Variants in TNN observed in about 807,000 individuals in gnomAD.
The protein encoded by TNN is tenascin-N.
Under a neutral mutation model 134.4 loss-of-function variants are expected in TNN, and 122 were observed. That is an observed-to-expected ratio of 0.91 (90% CI 0.78 to 1.06). The LOEUF (loss-of-function observed/expected upper bound fraction) is 1.06, where lower values mean the gene tolerates loss of function less well. Ranked by LOEUF, TNN falls within the 50% of genes least tolerant of loss-of-function variation. TNN has a pLI of 0.00. For synonymous variants in TNN, 710 were observed against 670.3 expected, an observed-to-expected ratio of 1.06 and a Z score of -0.91; for missense variants, 1,739 against 1,699.4, an observed-to-expected ratio of 1.02 and a Z score of -0.41.
chr1:175,084,519 A>G (rs1417973083), intron 5 of TNN, among the ~76,000 whole-genome samples: 1 of 152,224 alleles, frequency 6.6e-6, no homozygotes, highest in African/African-American at 2.4e-5. Flanking sequence ...AGTCTGTACA[A>G]TTCCAGGGCT....
intron 15 of TNN, among the ~76,000 whole-genome samples, chr1:175,134,301 C>A (rs1169926771): frequency 2.0e-5 from 3 of 152,122 alleles, no homozygotes; most frequent in Non-Finnish European, 2.9e-5. Context: ...CACACCTGCA[C>A]TTTGGGAGGC....
rs750541686 is a variant in TNN at position 175,094,132 on chromosome 1, G to A, written c.1467G>A (p.Val489=). Residue 489 remains valine (V), a synonymous_variant, in exon 7 of 19, where the codon GTG becomes GTA. Transcript: ENST00000239462. ...SADGDTKEMA[V]HKDESSTVLT... is the part of the protein sequence containing the mutation. ...ATGGGGACACCAAGGAAATGGCAGT[G>A]CACAAGGATGAGAGCAGCACTGTCC... 6.2e-7 allele frequency: 1 copy of A among 1,614,212 alleles called. No homozygotes were observed. Among genetic ancestry groups the A allele is most frequent in the Non-Finnish European group, 8.5e-7 (1 of 1,180,030 alleles).
rs182311364 is a variant in TNN, at chr1:175,108,304, A to G, written c.2120-8635A>G. 2.4e-3 allele frequency among the ~76,000 whole-genome samples: 363 copies of G among 152,228 alleles called. 2 individuals carry two copies. Among genetic ancestry groups the G allele is most frequent in the African/African-American group, 8.0e-3 (333 of 41,530 alleles). Reference sequence around the variant, plus strand: ...GGTGCACTCACAAACCTTGAGCTAGACACAGGGTGCTGATTGGTGTGTTTA... The same window carrying G: ...GGTGCACTCACAAACCTTGAGCTAGGCACAGGGTGCTGATTGGTGTGTTTA... On this transcript the variant is annotated intron_variant, in intron 9 of 18. Coordinates refer to ENST00000239462, the MANE Select transcript of TNN (RefSeq NM_022093.2).
At chr1:175,113,093 G>T (rs1011150329) in intron 9 of TNN, among the ~76,000 whole-genome samples, 3 of 152,100 alleles carry the variant, frequency 2.0e-5, no homozygotes, top group Non-Finnish European at 4.4e-5. Context: ...GTAGGTTTTT[G>T]TAGTACTGAG....
intron 15 of TNN, among the ~76,000 whole-genome samples, chr1:175,134,068 G>A (rs769879914): frequency 6.6e-6 from 1 of 152,182 alleles, no homozygotes; most frequent in Non-Finnish European, 1.5e-5. Context: ...CCTGGGAAGA[G>A]GAAAGTGAAC....
chr1:175,079,781 T>G, intron 3 of TNN, 74 bp downstream of exon 3: 1 of 1,483,860 alleles, frequency 6.7e-7, no homozygotes, highest in Non-Finnish European at 8.9e-7. Flanking sequence ...AATTACACGT[T>G]GTCATCTTTG....
intron 9 of TNN, among the ~76,000 whole-genome samples, chr1:175,113,203 C>T (rs1011239049): frequency 3.3e-5 from 5 of 152,160 alleles, no homozygotes; most frequent in Non-Finnish European, 7.3e-5. Flanking sequence ...TGCTTCCAAA[C>T]GTAGGACTCC....
At chr1:175,123,192 A>T (rs1675420819) in intron 11 of TNN, among the ~76,000 whole-genome samples, 1 of 152,176 alleles carries the variant, frequency 6.6e-6, no homozygotes, top group African/African-American at 2.4e-5. Context: ...TTTATATTAA[A>T]AAGTGGGAGA....
intron 18 of TNN, among the ~76,000 whole-genome samples, chr1:175,144,882 A>G (rs1676026452): frequency 6.6e-6 from 1 of 152,242 alleles, no homozygotes; most frequent in African/African-American, 2.4e-5. Flanking sequence ...TAGCTGCTGT[A>G]ACAAAATAAC....
chr1:175,094,146 G>A lies in TNN; in HGVS notation c.1481G>A (p.Ser494Asn). Residue 494 changes from serine to asparagine, a missense_variant, in exon 7 of 19, where the codon AGC becomes AAC. Transcript: ENST00000239462. ...TKEMAVHKDE[S>N]STVLTGLKPG... is the part of the protein sequence containing the mutation. ...GAAATGGCAGTGCACAAGGATGAGA[G>A]CAGCACTGTCCTGACGGGCCTGAAG... is the stretch of plus-strand genomic sequence containing the variant. The A allele has an allele frequency of 1.2e-6, 2 of 1,614,202 alleles. No individual in the cohort carries two copies. The highest frequency in any genetic ancestry group is 1.7e-6 in the Non-Finnish European group (2 of 1,180,024).
At chr1:175,104,436 G>A (rs566930619) in intron 9 of TNN, among the ~76,000 whole-genome samples, 1 of 145,752 alleles carries the variant, frequency 6.9e-6, no homozygotes, top group Non-Finnish European at 1.5e-5. Flanking sequence ...CGGCATAGTG[G>A]ACACGGATGA....
chr1:175,137,778 T>A (rs1050499188), intron 17 of TNN, among the ~76,000 whole-genome samples: 29 of 152,380 alleles, frequency 1.9e-4, no homozygotes, highest in African/African-American at 6.3e-4. Flanking sequence ...ATTTGCGTTT[T>A]TGACTTTGGT....
intron 10 of TNN, 21 bp from the exon 11 acceptor site, chr1:175,118,540 G>A: frequency 6.2e-7 from 1 of 1,605,958 alleles, no homozygotes; most frequent in East Asian, 2.2e-5. Flanking sequence ...AGTGCATATT[G>A]GTCAGCATTT....
At position 175,116,948 on chromosome 1, in the gene TNN, G is replaced by A. The variant is rs748665947; in HGVS notation, c.2129G>A (p.Ser710Asn). ...CAATTTTTTTTTTCAGACATTGACA[G>A]CCCCCAAAACCTGGTGACCGACCGG... ...ADTKAQTDID[S>N]PQNLVTDRVT... The change falls in exon 10 of 19, where the codon AGC (serine) becomes AAC (asparagine). Residue 710 changes from serine to asparagine, a missense_variant. Ser to Asn is a conservative substitution (Grantham distance 46, BLOSUM62 1). Transcript: ENST00000239462. The A allele has an allele frequency of 6.8e-6, 11 of 1,614,128 alleles. No individual in the cohort carries two copies. The South Asian group carries it at 1.1e-4, about 16-fold the overall frequency.
At chr1:175,143,474 G>C (rs1484032423) in intron 17 of TNN, among the ~76,000 whole-genome samples, 1 of 152,054 alleles carries the variant, frequency 6.6e-6, no homozygotes, top group Non-Finnish European at 1.5e-5. Flanking sequence ...AATTTTACAT[G>C]TGTCTCCAGA....
chr1:175,085,066 G>T (rs1033493518), intron 5 of TNN, among the ~76,000 whole-genome samples: 3 of 152,224 alleles, frequency 2.0e-5, no homozygotes, highest in Non-Finnish European at 2.9e-5. Context: ...GAAAAGGGTT[G>T]CTGGGAGCAG....
intron 11 of TNN, among the ~76,000 whole-genome samples, chr1:175,120,808 T>A (rs1675354383): frequency 6.6e-6 from 1 of 152,210 alleles, no homozygotes; most frequent in Non-Finnish European, 1.5e-5. Context: ...TTTATTTTTA[T>A]TTTATTTTCA....
In TNN at chr1:175,128,727, C is replaced by T. The variant is rs113025105; in HGVS notation, c.3311C>T (p.Thr1104Met). ...RPLQVYCDME[T>M]DGGGWIVFQR... Reference sequence around the variant, plus strand: ...CTGCAGGTGTACTGTGACATGGAAACGGACGGAGGTGGCTGGATTGTGAGT... The same window carrying T: ...CTGCAGGTGTACTGTGACATGGAAATGGACGGAGGTGGCTGGATTGTGAGT... Residue 1104 changes from threonine (T) to methionine (M), a missense_variant, in exon 15 of 19, where the codon ACG becomes ATG. Physicochemically the swap from Thr to Met is moderately conservative, Grantham distance 81. Transcript: ENST00000239462. The T allele has an allele frequency of 2.7e-4, 430 of 1,613,358 alleles. 1 individual carries two copies. In the African/African-American group the frequency reaches 4.7e-3, roughly 18 times the overall value.
At chr1:175,101,906 AGATACAGAGTGCCGATT>A in intron 9 of TNN, among the ~76,000 whole-genome samples, 1 of 144,860 alleles carries the variant, frequency 6.9e-6, no homozygotes, top group Non-Finnish European at 1.5e-5. Flanking sequence ...ACCTTGAGCT[AGATACAGAGTGCCGATT>A]GATGTATTAA....
Sources: gnomAD v4.1 joint callset for allele counts (sites outside exome capture counted in the v4.1 genomes callset) on GRCh38, gnomAD v4.1.1 for gene constraint, MANE v1.5 for transcripts, NCBI Gene and HGNC (gene_info 2026-07-23, HGNC 2026-07-21) for gene names.